Variants in IL19 observed in about 807,000 individuals in gnomAD.
The protein encoded by IL19 is interleukin 19, also known as interleukin-19.
In IL19, 15 loss-of-function variants were observed where a neutral mutation model predicts 19.5. The observed-to-expected ratio is 0.77, with a 90% CI of 0.52 to 1.19. The LOEUF (loss-of-function observed/expected upper bound fraction) is 1.19, where lower values mean the gene tolerates loss of function less well. Among genes scored for constraint, IL19 ranks in the 50% most tolerant of loss-of-function variants. The probability of loss-of-function intolerance (pLI) is 0.00; values close to 1 mark genes in which losing one functional copy is unlikely to be tolerated. For missense variants in IL19, 199 were observed against 213.1 expected, an observed-to-expected ratio of 0.93 and a Z score of 0.41; for synonymous variants, 78 against 78.3, an observed-to-expected ratio of 1.00 and a Z score of 0.02.
chr1:206,842,235 A>G (rs1194941309), intron 6 of IL19, among the ~76,000 whole-genome samples: 3 of 151,608 alleles, frequency 2.0e-5, no homozygotes, highest in Non-Finnish European at 4.4e-5. Flanking sequence ...AGTAAGGCAG[A>G]TTTTTTTTTC....
At chr1:206,823,477 C>A (rs1256831594) in intron 2 of IL19, among the ~76,000 whole-genome samples, 1 of 151,760 alleles carries the variant, frequency 6.6e-6, no homozygotes, top group Non-Finnish European at 1.5e-5. Flanking sequence ...AAGGTGTGAA[C>A]CCGGGAGGTG....
intron 2 of IL19, among the ~76,000 whole-genome samples, chr1:206,814,690 T>TCTCACACACA (rs150151755): frequency 5.8e-4 from 82 of 140,566 alleles, no homozygotes; most frequent in African/African-American, 2.2e-3. Flanking sequence ...TGAAACTCTG[T>TCTCACACACA]CACACACACA....
intron 1 of IL19, among the ~76,000 whole-genome samples, chr1:206,790,833 G>A (rs1675383852): frequency 6.6e-6 from 1 of 152,224 alleles, no homozygotes; most frequent in Admixed American, 6.5e-5. Flanking sequence ...AATCTGCTTA[G>A]CACATGCCTC....
intron 2 of IL19, chr1:206,834,388 C>G: frequency 1.0e-6 from 1 of 985,678 alleles, no homozygotes; most frequent in Non-Finnish European, 1.2e-6. Context: ...AGCCCGCAAG[C>G]ACCAAGTGAG....
intron 2 of IL19, among the ~76,000 whole-genome samples, chr1:206,818,687 C>T (rs1229005628): frequency 2.0e-5 from 3 of 151,994 alleles, no homozygotes; most frequent in South Asian, 4.2e-4. Context: ...TGTACACTTT[C>T]GTTACAATAA....
intron 1 of IL19, among the ~76,000 whole-genome samples, chr1:206,790,497 G>A (rs188194513): frequency 4.1e-4 from 63 of 152,222 alleles, no homozygotes; most frequent in Non-Finnish European, 7.2e-4. Context: ...ACCCAAGCTC[G>A]GCAACTATAG....
At chr1:206,777,853 A>G (rs908411436) in intron 1 of IL19, among the ~76,000 whole-genome samples, 1 of 152,232 alleles carries the variant, frequency 6.6e-6, no homozygotes, top group South Asian at 2.1e-4. Flanking sequence ...TGAAATTTCT[A>G]GTATTCCCTC....
chr1:206,793,337 G>T (rs1675448029), intron 1 of IL19, among the ~76,000 whole-genome samples: 1 of 152,232 alleles, frequency 6.6e-6, no homozygotes, highest in Admixed American at 6.5e-5. Context: ...CACGTGAGCT[G>T]GGCCCCAGGA....
chr1:206,773,878 G>A (rs1158396969), intron 1 of IL19, among the ~76,000 whole-genome samples: 3 of 152,110 alleles, frequency 2.0e-5, no homozygotes, highest in Non-Finnish European at 4.4e-5. Flanking sequence ...CTATAGTCAG[G>A]GCAAATCACT....
chr1:206,787,954 A>G (rs1441493401), intron 1 of IL19, among the ~76,000 whole-genome samples: 1 of 152,160 alleles, frequency 6.6e-6, no homozygotes, highest in Non-Finnish European at 1.5e-5. Context: ...TCCACCAGCC[A>G]CATTCATAGC....
intron 1 of IL19, among the ~76,000 whole-genome samples, chr1:206,785,162 C>T (rs953754840): frequency 6.6e-6 from 1 of 152,164 alleles, no homozygotes; most frequent in Admixed American, 6.5e-5. Context: ...GATGAATACT[C>T]GGGTCATGCA....
intron 2 of IL19, among the ~76,000 whole-genome samples, chr1:206,816,934 G>T (rs1368093106): frequency 6.6e-6 from 1 of 152,120 alleles, no homozygotes; most frequent in Non-Finnish European, 1.5e-5. Flanking sequence ...GATAAGAAAA[G>T]AAACAACTTG....
At chr1:206,804,011 C>T (rs1572556459) in intron 2 of IL19, among the ~76,000 whole-genome samples, 1 of 152,206 alleles carries the variant, frequency 6.6e-6, no homozygotes, top group African/African-American at 2.4e-5. Flanking sequence ...ATCAAGTAAT[C>T]CTTTCTCTCT....
At chr1:206,837,736 C>T (rs1181403235) in intron 4 of IL19, among the ~76,000 whole-genome samples, 1 of 152,148 alleles carries the variant, frequency 6.6e-6, no homozygotes, top group East Asian at 1.9e-4. Flanking sequence ...ACTCTATTCC[C>T]AGCTACTTGG....
chr1:206,838,531 C>A (rs1676879157), intron 4 of IL19, among the ~76,000 whole-genome samples: 1 of 151,994 alleles, frequency 6.6e-6, no homozygotes, highest in Admixed American at 6.6e-5. Context: ...TAGAAGGGAC[C>A]CAAAAGACCA....
chr1:206,770,791 G>T lies in IL19; in HGVS notation c.-436G>T. Reference sequence around the variant, plus strand: ...CTCCAGGAGTCTTTCCTCATTTACAGCTAGCTCTGCCAGTCTGTGTCTTTG... The same window carrying T: ...CTCCAGGAGTCTTTCCTCATTTACATCTAGCTCTGCCAGTCTGTGTCTTTG... On this transcript the variant is annotated 5_prime_UTR_variant, in exon 1 of 7. Coordinates refer to ENST00000659997, the MANE Select transcript of IL19 (RefSeq NM_153758.5). 1.9e-6 allele frequency: 2 copies of T among 1,033,640 alleles called. No individual in the cohort carries two copies. Among genetic ancestry groups the T allele is most frequent in the African/African-American group, 1.6e-5 (1 of 64,196 alleles). 64.0% of individuals were successfully genotyped at this position (1,033,640 alleles called of 1,614,324 possible).
At chr1:206,778,995 A>G (rs1675070845) in intron 1 of IL19, among the ~76,000 whole-genome samples, 1 of 152,136 alleles carries the variant, frequency 6.6e-6, no homozygotes, top group Non-Finnish European at 1.5e-5. Flanking sequence ...TCATAATATA[A>G]AAGAGTCTTG....
At chr1:206,781,521 A>T (rs905165745) in intron 1 of IL19, among the ~76,000 whole-genome samples, 3 of 150,908 alleles carry the variant, frequency 2.0e-5, no homozygotes, top group Non-Finnish European at 4.4e-5. Context: ...TCTGGTCCTT[A>T]CCTCTAAAAC....
intron 1 of IL19, among the ~76,000 whole-genome samples, chr1:206,779,683 G>T (rs1400181920): frequency 3.9e-5 from 6 of 151,980 alleles, no homozygotes; most frequent in African/African-American, 1.5e-4. Context: ...CCCTCTCTTG[G>T]TCAAATAAGG....
Sources: gnomAD v4.1 joint callset for allele counts (sites outside exome capture counted in the v4.1 genomes callset) on GRCh38, gnomAD v4.1.1 for gene constraint, MANE v1.5 for transcripts, NCBI Gene and HGNC (gene_info 2026-07-23, HGNC 2026-07-21) for gene names.